The following KIF24 variants were observed in gnomAD, a reference collection of about 807,000 sequenced individuals.
The protein encoded by KIF24 is kinesin family member 24.
A neutral mutation model predicts 118.9 loss-of-function variants in KIF24; 81 were observed. The observed-to-expected ratio is 0.68, with a 90% CI of 0.57 to 0.82. The LOEUF (loss-of-function observed/expected upper bound fraction) is 0.82, where lower values mean the gene tolerates loss of function less well. Among genes scored for constraint, KIF24 ranks in the 40% least tolerant of loss-of-function variants. The pLI is 0.00. For synonymous variants in KIF24, 599 were observed against 610.0 expected (o/e 0.98, Z 0.27); for missense variants, 1,560 against 1,661.6 (o/e 0.94, Z 1.06).
chr9:34,294,292 C>T (rs984215162), intron 4 of KIF24, among the ~76,000 whole-genome samples: 22 of 152,078 alleles, frequency 1.4e-4, no homozygotes, highest in African/African-American at 5.3e-4. Context: ...TATGAGCCAG[C>T]AATTCCATTT....
At chr9:34,286,541 GC>G in intron 6 of KIF24, 75 bp downstream of exon 6, 5 of 1,024,734 alleles carry the variant, frequency 4.9e-6, no homozygotes, top group Non-Finnish European at 7.7e-6. Flanking sequence ...CACAGTACTT[GC>G]TTAGTAGCAA....
intron 2 of KIF24, among the ~76,000 whole-genome samples, chr9:34,307,860 G>GAAA (rs57149308): frequency 1.8e-5 from 2 of 113,990 alleles, no homozygotes; most frequent in Admixed American, 9.1e-5. Flanking sequence ...GACTCTGTCT[G>GAAA]AAAAAAAAAA....
Position 34,318,935 on chromosome 9 carries a change from G to A in KIF24, c.-25-7564C>T, listed in dbSNP as rs974360157. 17 of 1,546,070 alleles carry A rather than the reference G, an allele frequency of 1.1e-5. No homozygotes were observed. The highest frequency in any genetic ancestry group is 3.3e-4 in the Middle Eastern group (2 of 5,986). ...GCTGCAGTCCATCCACGAGTGGGCC[G>A]TGCAGACCACCGACGGCAAGCTGCC... On this transcript the variant is annotated intron_variant, in intron 1 of 12. Coordinates refer to ENST00000402558, the MANE Select transcript of KIF24 (RefSeq NM_194313.4). The surrounding 1 kb of genome is among the most constrained non-coding windows in gnomAD (Gnocchi z 4.9).
intron 8 of KIF24, among the ~76,000 whole-genome samples, chr9:34,267,820 G>A (rs754742547): frequency 6.6e-6 from 1 of 152,128 alleles, no homozygotes; most frequent in Non-Finnish European, 1.5e-5. Flanking sequence ...TGAACAACAC[G>A]GCTATAGAGC....
intron 5 of KIF24, among the ~76,000 whole-genome samples, chr9:34,289,193 C>G (rs1327170061): frequency 1.3e-5 from 2 of 152,184 alleles, no homozygotes; most frequent in Non-Finnish European, 2.9e-5. Flanking sequence ...AGAGGCCTGC[C>G]TAAGCCCACT....
intron 3 of KIF24, among the ~76,000 whole-genome samples, chr9:34,305,502 T>G (rs1836879098): frequency 6.6e-6 from 1 of 152,244 alleles, no homozygotes; most frequent in Non-Finnish European, 1.5e-5. Flanking sequence ...AAGTTCACAC[T>G]GTGAGATGCA....
At position 34,306,461 on chromosome 9, in the gene KIF24, G is replaced by A; in HGVS notation, c.624-20C>T. 1.3e-6 allele frequency: 2 copies of A among 1,495,006 alleles called. No individual in the cohort carries two copies. The highest frequency in any genetic ancestry group is 1.8e-6 in the Non-Finnish European group (2 of 1,101,006). The allele number at this position is 1,495,006 out of a possible 1,614,324, so 92.6% of individuals were successfully genotyped here. On this transcript the variant is annotated intron_variant, in intron 2 of 12. Coordinates refer to ENST00000402558, the MANE Select transcript of KIF24 (RefSeq NM_194313.4). ...TTCTGTCTAATATGTTTATAAACAGGCTTTTAATTTTTAATAATAGGACAA... is the reference window on the plus strand; with the variant it reads ...TTCTGTCTAATATGTTTATAAACAGACTTTTAATTTTTAATAATAGGACAA...
intron 2 of KIF24, among the ~76,000 whole-genome samples, chr9:34,309,554 A>AG (rs1319109614): frequency 1.3e-5 from 2 of 151,766 alleles, no homozygotes; most frequent in Non-Finnish European, 2.9e-5. Flanking sequence ...AAAAAAAAAA[A>AG]AAAAAAGAAA....
intron 7 of KIF24, among the ~76,000 whole-genome samples, chr9:34,270,772 CT>C (rs909845624): frequency 1.3e-3 from 190 of 141,842 alleles, no homozygotes; most frequent in Middle Eastern, 7.3e-3. Context: ...TAATTTTTAC[CT>C]TTTTTTTTTT....
intron 4 of KIF24, among the ~76,000 whole-genome samples, chr9:34,293,601 C>T (rs1836341422): frequency 6.6e-6 from 1 of 152,016 alleles, no homozygotes; most frequent in African/African-American, 2.4e-5. Flanking sequence ...GGTGAAACCC[C>T]CGTCTCTACT....
Position 34,257,078 on chromosome 9 carries a change from C to T in KIF24, c.2529G>A (p.Lys843=). The change falls in exon 11 of 13, where the codon AAG becomes AAA. Residue 843 remains lysine (K), a synonymous_variant. Transcript: ENST00000402558. ...FSHISSQRAT[K]QRNTLENSED... ...CGCTATTCTCCAGGGTGTTCCTTTG[C>T]TTTGTGGCCCTCTGACTAGAGATGT... The T allele has an allele frequency of 6.2e-7, 1 of 1,614,042 alleles. No individual in the cohort carries two copies. The highest frequency in any genetic ancestry group is 8.5e-7 in the Non-Finnish European group (1 of 1,179,896).
Position 34,255,812 on chromosome 9 carries a change from C to G in KIF24, c.3795G>C (p.Arg1265Ser). 1 of 1,613,846 alleles carries G rather than the reference C, an allele frequency of 6.2e-7. No individual in the cohort carries two copies. The highest frequency in any genetic ancestry group is 8.5e-7 in the Non-Finnish European group (1 of 1,179,830). The change falls in exon 11 of 13, where the codon AGG becomes AGC. Residue 1265 changes from arginine to serine, a missense_variant. Around this residue, in one of 3 missense-constraint regions of KIF24, gnomAD observed 591 missense variants for 655.6 expected, o/e 0.90. Transcript: ENST00000402558. ...KPRPISRCLA[R>S]PSSPLVPSCS... Reference sequence around the variant, plus strand: ...AGCTGGGAACCAAGGGAGAACTTGGCCTTGCTAAGCACCTTGAGATCGGCC... The same window carrying G: ...AGCTGGGAACCAAGGGAGAACTTGGGCTTGCTAAGCACCTTGAGATCGGCC...
intron 9 of KIF24, among the ~76,000 whole-genome samples, chr9:34,260,658 T>C (rs940526796): frequency 2.0e-5 from 3 of 152,148 alleles, no homozygotes; most frequent in Non-Finnish European, 4.4e-5. Flanking sequence ...TTTCTGGAAA[T>C]GGGGAACTTG....
At chr9:34,303,775 G>C (rs963433964) in intron 3 of KIF24, among the ~76,000 whole-genome samples, 1 of 152,200 alleles carries the variant, frequency 6.6e-6, no homozygotes, top group Non-Finnish European at 1.5e-5. Flanking sequence ...TTTGAGCTCA[G>C]GAGATGGAGG....
Position 34,290,239 on chromosome 9 carries a change from A to T in KIF24, c.1062T>A (p.Phe354Leu), listed in dbSNP as rs748352485. 1.1e-5 allele frequency: 18 copies of T among 1,613,824 alleles called. No homozygotes were observed. In the Admixed American group the frequency reaches 1.5e-4, roughly 13 times the overall value. ...LEVSQPRKHLFVWISFYEIYC... is the reference protein window; with the variant it reads ...LEVSQPRKHLLVWISFYEIYC... ...AAATTTCATAGAAGCTGATCCACAC[A>T]AAGAGGTGCTTTCTTGGCTGGGACA... is the stretch of plus-strand genomic sequence containing the variant. The change falls in exon 5 of 13, where the codon TTT (phenylalanine) becomes TTA (leucine). Residue 354 changes from phenylalanine to leucine, a missense_variant. Transcript: ENST00000402558.
In KIF24 at chr9:34,264,434, G is replaced by GA. The variant is rs1022492345; in HGVS notation, c.1444-1263dup. Among the ~76,000 whole-genome samples, 389 of 122,364 alleles carry GA rather than the reference G, an allele frequency of 3.2e-3. 1 individual carries two copies. Among genetic ancestry groups the GA allele is most frequent in the African/African-American group, 5.3e-3 (177 of 33,430 alleles). The allele number at this position is 122,364 out of a possible 152,430, so 80.3% of individuals were successfully genotyped here. On this transcript the variant is annotated intron_variant, in intron 8 of 12. Transcript: ENST00000402558. ...GACAGAGCGAGACTCCGTCTCAAGAGAAAAAAAAAAAAAAGAGGGAAGAAG... is the reference window on the plus strand; with the variant it reads ...GACAGAGCGAGACTCCGTCTCAAGAGAAAAAAAAAAAAAAAGAGGGAAGAAG...
chr9:34,308,805 C>A (rs1021350520), intron 2 of KIF24, among the ~76,000 whole-genome samples: 1 of 152,082 alleles, frequency 6.6e-6, no homozygotes, highest in African/African-American at 2.4e-5. Flanking sequence ...TTGGGCAGGG[C>A]AGAGTGGCTC....
rs1320402054 is a variant in KIF24, at chr9:34,323,880, T to G, written c.-26+5226A>C. Among the ~76,000 whole-genome samples the G allele has an allele frequency of 2.0e-5, 3 of 152,206 alleles. No homozygotes were observed. In the South Asian group the frequency reaches 6.2e-4, roughly 31 times the overall value. Reference sequence around the variant, plus strand: ...TAGATGGCAATTAGTATCATCTCCCTTTTTACAAATAAAGAAACTGAGGCA... The same window carrying G: ...TAGATGGCAATTAGTATCATCTCCCGTTTTACAAATAAAGAAACTGAGGCA... On this transcript the variant is annotated intron_variant, in intron 1 of 12. Coordinates refer to ENST00000402558, the MANE Select transcript of KIF24 (RefSeq NM_194313.4).
At chr9:34,265,299 G>A (rs1835246061) in intron 8 of KIF24, among the ~76,000 whole-genome samples, 1 of 152,064 alleles carries the variant, frequency 6.6e-6, no homozygotes, top group African/African-American at 2.4e-5. Flanking sequence ...CTCCCAAGTA[G>A]CTTGGGTTAC....
Sources: allele counts gnomAD v4.1 joint callset (sites outside exome capture counted in the v4.1 genomes callset), GRCh38; gene constraint gnomAD v4.1.1; regional missense constraint gnomAD v4.1.1; non-coding constraint Gnocchi (gnomAD v3.1); transcripts MANE v1.5; gene names NCBI Gene and HGNC (gene_info 2026-07-23, HGNC 2026-07-21).